The following PLCB1 variants were observed in gnomAD, a reference collection of about 807,000 sequenced individuals.
PLCB1 encodes the protein 1-phosphatidylinositol 4,5-bisphosphate phosphodiesterase beta-1.
A neutral mutation model predicts 161.8 loss-of-function variants in PLCB1; 46 were observed. The observed-to-expected ratio is 0.28, with a 90% CI of 0.22 to 0.36. The LOEUF (loss-of-function observed/expected upper bound fraction) is 0.36, where lower values mean the gene tolerates loss of function less well. PLCB1 is among the 10% of genes least tolerant of loss of function. The probability of loss-of-function intolerance (pLI) is 1.00; values close to 1 mark genes in which losing one functional copy is unlikely to be tolerated. For missense variants in PLCB1, 1,016 were observed against 1,472.5 expected, an observed-to-expected ratio of 0.69 and a Z score of 5.07; for synonymous variants, 517 against 503.7, an observed-to-expected ratio of 1.03 and a Z score of -0.35.
In PLCB1 at chr20:8,132,645, A is replaced by AGCCCAGATGG. The variant is rs2051303564; in HGVS notation, c.-6_4dup. 6.2e-7 allele frequency: 1 copy of AGCCCAGATGG among 1,604,648 alleles called. No individual in the cohort carries two copies. The highest frequency in any genetic ancestry group is 1.3e-5 in the African/African-American group (1 of 74,144). ...GCCCGGGCCGCCCGGAGCCCAGATG[A>AGCCCAGATGG]GCCCAGATGGCCGGGGCTCAACCCG... On this transcript the variant is annotated 5_prime_UTR_variant, in exon 1 of 32. The change creates a new upstream start codon in the 5' untranslated region. Transcript: ENST00000338037. The surrounding 1 kb of genome is among the most constrained non-coding windows in gnomAD (Gnocchi z 5.2).
intron 3 of PLCB1, among the ~76,000 whole-genome samples, chr20:8,403,306 A>G (rs1978644825): frequency 1.3e-5 from 2 of 152,046 alleles, no homozygotes; most frequent in African/African-American, 4.8e-5. Context: ...ACTTGAGCCC[A>G]GGAGTTCAAG....
intron 3 of PLCB1, among the ~76,000 whole-genome samples, chr20:8,573,437 T>C (rs1986586379): frequency 6.6e-6 from 1 of 152,226 alleles, no homozygotes; most frequent in Non-Finnish European, 1.5e-5. Context: ...GTCAATATGT[T>C]TGGCAGCAAT....
chr20:8,421,765 C>T lies in PLCB1; in HGVS notation c.246+50315C>T, dbSNP rs115791167. Among the ~76,000 whole-genome samples, 834 of 152,248 alleles carry T rather than the reference C, an allele frequency of 5.5e-3. 9 individuals are homozygous for T. Among genetic ancestry groups the T allele is most frequent in the African/African-American group, 0.019 (783 of 41,544 alleles). On this transcript the variant is annotated intron_variant, in intron 3 of 31. Transcript: ENST00000338037. ...GCTTAACATATGGTCCTTAGACGAACGGCATCAGCATCACCAAGGGCTTAT... is the reference window on the plus strand; with the variant it reads ...GCTTAACATATGGTCCTTAGACGAATGGCATCAGCATCACCAAGGGCTTAT...
At chr20:8,603,374 A>T (rs1389768377) in intron 3 of PLCB1, among the ~76,000 whole-genome samples, 7 of 152,160 alleles carry the variant, frequency 4.6e-5, no homozygotes. Context: ...TAACATTTGC[A>T]CTTTGCCTAA....
chr20:8,562,071 G>A lies in PLCB1; in HGVS notation c.247-66223G>A, dbSNP rs560351535. Reference sequence around the variant, plus strand: ...GAGAAGAGCAAACGGTCTTCGCTAAGTGAACTCATAGCTTAGCCAAAGTCT... The same window carrying A: ...GAGAAGAGCAAACGGTCTTCGCTAAATGAACTCATAGCTTAGCCAAAGTCT... On this transcript the variant is annotated intron_variant, in intron 3 of 31. Transcript: ENST00000338037. 6.0e-4 allele frequency among the ~76,000 whole-genome samples: 91 copies of A among 152,118 alleles called. 1 individual carries two copies. Among genetic ancestry groups the A allele is most frequent in the African/African-American group, 2.1e-3 (86 of 41,528 alleles).
At position 8,748,468 on chromosome 20, in the gene PLCB1, G is replaced by A. The variant is rs542380480; in HGVS notation, c.2523+6895G>A. ...ATTGGTTCAATTCAGCTGCTTTTAC[G>A]AATATCCTCCATAAAAATTTCTAAA... is the stretch of plus-strand genomic sequence containing the variant. On this transcript the variant is annotated intron_variant, in intron 23 of 31. Transcript: ENST00000338037. Among the ~76,000 whole-genome samples, 3 of 152,282 alleles carry A rather than the reference G, an allele frequency of 2.0e-5. No individual in the cohort carries two copies. In the East Asian group the frequency reaches 5.8e-4, roughly 29 times the overall value.
intron 2 of PLCB1, among the ~76,000 whole-genome samples, chr20:8,366,486 T>C (rs1345812956): frequency 1.3e-5 from 2 of 152,228 alleles, no homozygotes; most frequent in Non-Finnish European, 1.5e-5. Context: ...TGCTGAACTT[T>C]ATGTTAAACA....
At chr20:8,691,419 T>G (rs939046958) in intron 10 of PLCB1, among the ~76,000 whole-genome samples, 1 of 152,132 alleles carries the variant, frequency 6.6e-6, no homozygotes, top group Non-Finnish European at 1.5e-5. Flanking sequence ...AAAAAGAAAG[T>G]TTTCCTATTT....
rs11907873 is a variant in PLCB1 at position 8,565,041 on chromosome 20, T to C, written c.247-63253T>C. Among the ~76,000 whole-genome samples, 19 of 152,308 alleles carry C rather than the reference T, an allele frequency of 1.2e-4. No individual in the cohort carries two copies. In the South Asian group the frequency reaches 1.9e-3, roughly 15 times the overall value. On this transcript the variant is annotated intron_variant, in intron 3 of 31. Coordinates refer to ENST00000338037, the MANE Select transcript of PLCB1 (RefSeq NM_015192.4). ...TACTATAAAGACACATGCACATGTA[T>C]GTTTATTACGGCAGTGTTCACAATA... is the stretch of plus-strand genomic sequence containing the variant.
At chr20:8,541,807 C>T (rs1220663750) in intron 3 of PLCB1, among the ~76,000 whole-genome samples, 2 of 152,184 alleles carry the variant, frequency 1.3e-5, no homozygotes, top group Non-Finnish European at 2.9e-5. Context: ...CAAGCAATGT[C>T]TCAAATCTGG....
chr20:8,486,724 T>G (rs1982747086), intron 3 of PLCB1, among the ~76,000 whole-genome samples: 1 of 151,568 alleles, frequency 6.6e-6, no homozygotes, highest in Non-Finnish European at 1.5e-5. Context: ...CTCGATCTCC[T>G]GACCTCATGA....
intron 31 of PLCB1, among the ~76,000 whole-genome samples, chr20:8,856,008 A>G (rs1356155431): frequency 6.6e-6 from 1 of 152,180 alleles, no homozygotes; most frequent in African/African-American, 2.4e-5. Context: ...CTGTATTTAT[A>G]ATATAATACA....
At chr20:8,681,119 T>TATATATATATATAA (rs1485697576) in intron 9 of PLCB1, among the ~76,000 whole-genome samples, 6,162 of 79,762 alleles carry the variant, frequency 0.077, 322 homozygotes, top group African/African-American at 0.088. Context: ...TATATATATA[T>TATATATATATATAA]AATATATATA....
intron 3 of PLCB1, among the ~76,000 whole-genome samples, chr20:8,388,186 C>G (rs969046413): frequency 6.6e-6 from 1 of 151,818 alleles, no homozygotes; most frequent in African/African-American, 2.4e-5. Context: ...CTGACAATAC[C>G]CTTTTGTATA....
At chr20:8,573,335 A>G (rs1398656237) in intron 3 of PLCB1, among the ~76,000 whole-genome samples, 1 of 152,194 alleles carries the variant, frequency 6.6e-6, no homozygotes, top group Non-Finnish European at 1.5e-5. Flanking sequence ...AGGAGACAGC[A>G]ATGTTGACAA....
intron 2 of PLCB1, among the ~76,000 whole-genome samples, chr20:8,283,857 G>T (rs1040771286): frequency 6.6e-6 from 1 of 151,984 alleles, no homozygotes; most frequent in East Asian, 1.9e-4. Context: ...ACAATTCTTG[G>T]TAATTTGTCT....
chr20:8,347,034 T>G (rs1232754746), intron 2 of PLCB1, among the ~76,000 whole-genome samples: 4 of 152,176 alleles, frequency 2.6e-5, no homozygotes, highest in Non-Finnish European at 5.9e-5. Context: ...AGCCAAGTGC[T>G]AAATATAGAA....
intron 3 of PLCB1, among the ~76,000 whole-genome samples, chr20:8,515,728 C>A (rs1195834078): frequency 6.6e-6 from 1 of 152,162 alleles, no homozygotes; most frequent in Admixed American, 6.5e-5. Flanking sequence ...CAATGCATAA[C>A]AAACACCCCA....
At chr20:8,151,789 C>T (rs751821333) in intron 2 of PLCB1, among the ~76,000 whole-genome samples, 30 of 152,096 alleles carry the variant, frequency 2.0e-4, no homozygotes, top group Non-Finnish European at 3.8e-4. Flanking sequence ...GTACGAGAGA[C>T]CAAACTGTCA....
Sources: allele counts gnomAD v4.1 joint callset (sites outside exome capture counted in the v4.1 genomes callset), GRCh38; gene constraint gnomAD v4.1.1; non-coding constraint Gnocchi (gnomAD v3.1); transcripts MANE v1.5; gene names NCBI Gene and HGNC (gene_info 2026-07-23, HGNC 2026-07-21).